ZBTB40: variants seen among roughly 807,000 people sequenced by gnomAD.
ZBTB40 encodes the protein zinc finger and BTB domain-containing protein 40.
ZBTB40 carries 60 observed loss-of-function variants against 117.5 expected under a neutral mutation model. The observed-to-expected ratio is 0.51, with a 90% CI of 0.41 to 0.63. The LOEUF is 0.63. Among genes scored for constraint, ZBTB40 ranks in the 30% least tolerant of loss-of-function variants. The pLI, the probability that ZBTB40 is intolerant of heterozygous loss-of-function variation, is 0.00. For synonymous variants in ZBTB40, 525 were observed against 577.1 expected (o/e 0.91, Z 1.29); for missense variants, 1,287 against 1,498.5 (o/e 0.86, Z 2.33).
chr1:22,506,259 A>G lies in ZBTB40; in HGVS notation c.1360+18A>G, dbSNP rs368387622. 1 of 1,613,062 alleles carries G rather than the reference A, an allele frequency of 6.2e-7. No homozygotes were observed. The highest frequency in any genetic ancestry group is 8.5e-7 in the Non-Finnish European group (1 of 1,179,566). On this transcript the variant is annotated intron_variant, in intron 6 of 17. Transcript: ENST00000375647. ...CACCACAGGTATTAGTAAATTGTTGACTCTCTGGACTGGAACCACTCTTCC... is the reference window on the plus strand; with the variant it reads ...CACCACAGGTATTAGTAAATTGTTGGCTCTCTGGACTGGAACCACTCTTCC...
intron 1 of ZBTB40, among the ~76,000 whole-genome samples, chr1:22,434,313 C>A (rs565741269): frequency 1.3e-5 from 2 of 152,158 alleles, no homozygotes; most frequent in South Asian, 4.1e-4. Flanking sequence ...TGGTCTTGTT[C>A]TTGTGAATTT....
At position 22,511,259 on chromosome 1, in the gene ZBTB40, C is replaced by T. The variant is rs758957551; in HGVS notation, c.1914C>T (p.Val638=). The change falls in exon 10 of 18, where the codon GTC becomes GTT. Residue 638 remains valine (V), a synonymous_variant. Transcript: ENST00000375647. ...TGAGCAGAGCCATGGAAAAATCAGT[C>T]CCGGCCATTGAAATATGCCACCTCC... The part of the protein sequence containing the change: ...AVLSRAMEKS[V]PAIEICHLLC... 2.5e-6 allele frequency: 4 copies of T among 1,614,094 alleles called. No individual in the cohort carries two copies. Among genetic ancestry groups the T allele is most frequent in the Non-Finnish European group, 3.4e-6 (4 of 1,180,036 alleles).
Position 22,517,307 on chromosome 1 carries a change from G to A in ZBTB40, c.2676G>A (p.Met892Ile). Residue 892 changes from methionine (M) to isoleucine (I), a missense_variant, in exon 13 of 18, where the codon ATG becomes ATA. This residue lies in a region of ZBTB40 where 417 missense variants were observed against 564.1 expected (regional missense o/e 0.74). Transcript: ENST00000375647. ...HTKKKHSEGK[M>I]YACQYCDAVF... The stretch of plus-strand genomic sequence containing the variant: ...GCTCCTGTGTATTTGCAGGGAAAAT[G>A]TATGCATGCCAGTACTGTGATGCTG... The A allele has an allele frequency of 6.2e-7, 1 of 1,614,122 alleles. No individual in the cohort carries two copies. Among genetic ancestry groups the A allele is most frequent in the Non-Finnish European group, 8.5e-7 (1 of 1,180,040 alleles).
At position 22,490,186 on chromosome 1, in the gene ZBTB40, A is replaced by T; in HGVS notation, c.238A>T (p.Thr80Ser). 6.2e-7 allele frequency: 1 copy of T among 1,614,198 alleles called. No individual in the cohort carries two copies. Among genetic ancestry groups the T allele is most frequent in the Non-Finnish European group, 8.5e-7 (1 of 1,180,032 alleles). The change falls in exon 2 of 18, where the codon ACG (threonine) becomes TCG (serine). Residue 80 changes from threonine (T) to serine (S), a missense_variant. This residue lies in a region of ZBTB40 where 870 missense variants were observed against 934.4 expected (regional missense o/e 0.93). Coordinates refer to ENST00000375647, the MANE Select transcript of ZBTB40 (RefSeq NM_014870.4). ...TGCGCTCTTGTTGGAAATGATGTAC[A>T]CGGGCAAACTACCTGTGGGCAAGCA... ...EFALLLEMMY[T>S]GKLPVGKHNF...
rs796666541 is a variant in ZBTB40, at chr1:22,511,960, A to G, written c.2287A>G (p.Ser763Gly). ...VHMKRCRVAK[S>G]KQVQCKECSE... ...CATGAAGCGCTGCCGGGTGGCTAAGAGCAAACAGGTGCAGTGTAAGGAGTG... is the reference window on the plus strand; with the variant it reads ...CATGAAGCGCTGCCGGGTGGCTAAGGGCAAACAGGTGCAGTGTAAGGAGTG... Residue 763 changes from serine to glycine, a missense_variant, in exon 11 of 18, where the codon AGC becomes GGC. Physicochemically the swap from Ser to Gly is moderately conservative, Grantham distance 56. Transcript: ENST00000375647. 1.1e-5 allele frequency: 18 copies of G among 1,614,200 alleles called. No homozygotes were observed. Among genetic ancestry groups the G allele is most frequent in the Non-Finnish European group, 1.5e-5 (18 of 1,180,038 alleles).
intron 1 of ZBTB40, among the ~76,000 whole-genome samples, chr1:22,460,353 C>T (rs1195719233): frequency 6.6e-6 from 1 of 152,124 alleles, no homozygotes; most frequent in Non-Finnish European, 1.5e-5. Flanking sequence ...CATTCCAAAA[C>T]TTTTTTAAAA....
Position 22,524,373 on chromosome 1 carries a change from A to T in ZBTB40, c.3454A>T (p.Ser1152Cys). 1 of 1,614,224 alleles carries T rather than the reference A, an allele frequency of 6.2e-7. No individual in the cohort carries two copies. The highest frequency in any genetic ancestry group is 1.1e-5 in the South Asian group (1 of 91,080). Reference sequence around the variant, plus strand: ...CTTCACCTCCCAGGCCCAGCTTGACAGTCACCTGGAATCTGAGCACCCAAA... The same window carrying T: ...CTTCACCTCCCAGGCCCAGCTTGACTGTCACCTGGAATCTGAGCACCCAAA... ...ELFTSQAQLD[S>C]HLESEHPKVM... The change falls in exon 17 of 18, where the codon AGT becomes TGT. Residue 1152 changes from serine (S) to cysteine (C), a missense_variant. This residue lies in a region of ZBTB40 where 417 missense variants were observed against 564.1 expected (regional missense o/e 0.74). Coordinates refer to ENST00000375647, the MANE Select transcript of ZBTB40 (RefSeq NM_014870.4).
Position 22,520,076 on chromosome 1 carries a change from A to G in ZBTB40, c.2849A>G (p.Tyr950Cys), listed in dbSNP as rs753549773. The G allele has an allele frequency of 8.7e-6, 14 of 1,614,058 alleles. No homozygotes were observed. The highest frequency in any genetic ancestry group is 8.5e-6 in the Non-Finnish European group (10 of 1,180,018). ...LHTFHNIEDP[Y>C]DCKKCRMSFP... ...GTGAAACTAGACATAGAAGATCCTTATGACTGCAAGAAGTGCAGGATGAGT... is the reference window on the plus strand; with the variant it reads ...GTGAAACTAGACATAGAAGATCCTTGTGACTGCAAGAAGTGCAGGATGAGT... Residue 950 changes from tyrosine to cysteine, a missense_variant, in exon 14 of 18, where the codon TAT becomes TGT. Coordinates refer to ENST00000375647, the MANE Select transcript of ZBTB40 (RefSeq NM_014870.4).
chr1:22,502,391 G>T lies in ZBTB40; in HGVS notation c.1117G>T (p.Glu373Ter), dbSNP rs200318921. Residue 373 changes from glutamate to a stop codon, truncating the protein, a stop_gained, in exon 5 of 18, where the codon GAG (glutamate) becomes TAG (stop). Coordinates refer to ENST00000375647, the MANE Select transcript of ZBTB40 (RefSeq NM_014870.4). LOFTEE classifies it high-confidence loss of function. ...TGTAACACAGCTGAGACCTATTATG[G>T]AGTCCCTGGAAACAGCCAAGGAGGA... ...QCVTQLRPIM[E>*]SLETAKEEFL... is the part of the protein sequence containing the mutation. The T allele has an allele frequency of 3.7e-6, 6 of 1,614,076 alleles. No homozygotes were observed. The highest frequency in any genetic ancestry group is 5.1e-6 in the Non-Finnish European group (6 of 1,179,982).
chr1:22,458,803 C>T (rs944440031), intron 1 of ZBTB40, among the ~76,000 whole-genome samples: 1 of 152,190 alleles, frequency 6.6e-6, no homozygotes, highest in Non-Finnish European at 1.5e-5. Flanking sequence ...GTTGCCCAGG[C>T]TGGTCTTGAA....
chr1:22,441,939 A>G lies in ZBTB40; in HGVS notation c.-70+12925A>G, dbSNP rs79911187. On this transcript the variant is annotated intron_variant, in intron 1 of 8. Transcript: ENST00000650433. ...TTACCTCTTAACAACTGCTTTTTCT[A>G]CATTACACAAGTTTGGGTATATTGT... Among the ~76,000 whole-genome samples the G allele has an allele frequency of 2.0e-5, 3 of 152,212 alleles. No homozygotes were observed. The East Asian group carries it at 5.8e-4, about 29-fold the overall frequency.
At chr1:22,481,170 A>C (rs1388131697) in intron 1 of ZBTB40, among the ~76,000 whole-genome samples, 1 of 152,086 alleles carries the variant, frequency 6.6e-6, no homozygotes, top group African/African-American at 2.4e-5. Flanking sequence ...ATGTATTTTA[A>C]AAGCATTTTT....
chr1:22,526,280 G>A lies in ZBTB40; in HGVS notation c.3604G>A (p.Val1202Met). Residue 1202 changes from valine to methionine, a missense_variant, in exon 18 of 18, where the codon GTG becomes ATG. Val to Met is a conservative substitution (Grantham distance 21). Around this residue, in one of 2 missense-constraint regions of ZBTB40, gnomAD observed 417 missense variants for 564.1 expected, o/e 0.74. Coordinates refer to ENST00000375647, the MANE Select transcript of ZBTB40 (RefSeq NM_014870.4). The stretch of plus-strand genomic sequence containing the variant: ...GGAGACCCAGCTTGCCGGGTCGCAG[G>A]TGTTTGTGACGTTGCCAGATTCTCA... Reference protein sequence around the residue: ...LEETQLAGSQVFVTLPDSQAS... With the variant: ...LEETQLAGSQMFVTLPDSQAS... The A allele has an allele frequency of 6.2e-7, 1 of 1,614,194 alleles. No individual in the cohort carries two copies. Among genetic ancestry groups the A allele is most frequent in the Non-Finnish European group, 8.5e-7 (1 of 1,180,050 alleles).
rs1029880030 is a variant in ZBTB40, at chr1:22,469,408, C to T, written c.-70+17404C>T. The stretch of plus-strand genomic sequence containing the variant: ...GATCAAAGAGCACTACAGCCTTGGC[C>T]TCCTGGCCTCAAGCCATTCTCTTGT... On this transcript the variant is annotated intron_variant, in intron 1 of 17. Transcript: ENST00000375647. Among the ~76,000 whole-genome samples, 8 of 152,292 alleles carry T rather than the reference C, an allele frequency of 5.3e-5. No homozygotes were observed. In the East Asian group the frequency reaches 1.4e-3, roughly 26 times the overall value.
At chr1:22,470,407 A>C (rs1413310587) in intron 1 of ZBTB40, among the ~76,000 whole-genome samples, 1 of 152,208 alleles carries the variant, frequency 6.6e-6, no homozygotes, top group Non-Finnish European at 1.5e-5. Context: ...GTGGGGGAAC[A>C]GAGAAAGGGA....
At chr1:22,453,954 T>G (rs1640944585) in intron 1 of ZBTB40, among the ~76,000 whole-genome samples, 2 of 152,306 alleles carry the variant, frequency 1.3e-5, no homozygotes, top group South Asian at 4.1e-4. Flanking sequence ...TTATTTTATT[T>G]TATTTATTTT....
rs1224208195 is a variant in ZBTB40, at chr1:22,524,212, C to T, written c.3299-6C>T. The T allele has an allele frequency of 6.2e-7, 1 of 1,614,030 alleles. No homozygotes were observed. Among genetic ancestry groups the T allele is most frequent in the East Asian group, 2.2e-5 (1 of 44,898 alleles). On this transcript the variant is annotated splice_region_variant and splice_polypyrimidine_tract_variant and intron_variant, in intron 16 of 17. Coordinates refer to ENST00000375647, the MANE Select transcript of ZBTB40 (RefSeq NM_014870.4). ...AGCCCTCCCCTTCTGTCTCCCTCTCCTCCAGGGTCCCAGCCATTCCGGTGC... is the reference window on the plus strand; with the variant it reads ...AGCCCTCCCCTTCTGTCTCCCTCTCTTCCAGGGTCCCAGCCATTCCGGTGC...
rs1369752621 is a variant in ZBTB40, at chr1:22,529,704, A to C, written c.*3308A>C. On this transcript the variant is annotated 3_prime_UTR_variant, in exon 18 of 18. Transcript: ENST00000375647. Reference sequence around the variant, plus strand: ...GAAGCTCTGTGTTTGGGAAACTTTGAGCCCAGTGAGTAGCAGGGTCTGCAG... The same window carrying C: ...GAAGCTCTGTGTTTGGGAAACTTTGCGCCCAGTGAGTAGCAGGGTCTGCAG... 2 of 152,134 alleles carry C rather than the reference A, an allele frequency of 1.3e-5. No individual in the cohort carries two copies. Among genetic ancestry groups the C allele is most frequent in the Non-Finnish European group, 2.9e-5 (2 of 68,012 alleles). 9.4% of individuals were successfully genotyped at this position (152,134 alleles called of 1,614,324 possible).
intron 1 of ZBTB40, among the ~76,000 whole-genome samples, chr1:22,466,186 A>G (rs1007376755): frequency 6.6e-6 from 1 of 152,238 alleles, no homozygotes; most frequent in Admixed American, 6.5e-5. Context: ...AATGTTTTCA[A>G]GATTCATCCA....
Sources: gnomAD v4.1 joint callset for allele counts (sites outside exome capture counted in the v4.1 genomes callset) on GRCh38, gnomAD v4.1.1 for gene constraint, gnomAD v4.1.1 regional missense constraint, MANE v1.5 for transcripts, NCBI Gene and HGNC (gene_info 2026-07-23, HGNC 2026-07-21) for gene names.